SVOP: variants seen among roughly 807,000 people sequenced by gnomAD.
SVOP encodes the protein SV2 related protein, also known as synaptic vesicle 2-related protein.
Under a neutral mutation model 69.1 loss-of-function variants are expected in SVOP, and 17 were observed. The ratio of observed to expected loss-of-function variants is 0.25; its 90% CI spans 0.17 to 0.37. The LOEUF (loss-of-function observed/expected upper bound fraction) is 0.37. SVOP is among the 10% of genes least tolerant of loss of function. SVOP has a pLI of 1.00. For missense variants in SVOP, 435 were observed against 597.5 expected (o/e 0.73, Z 2.84); for synonymous variants, 238 against 238.6 (o/e 1.00, Z 0.02).
At chr12:108,981,329 T>A (rs983568460) in intron 2 of SVOP, among the ~76,000 whole-genome samples, 17 of 152,192 alleles carry the variant, frequency 1.1e-4, no homozygotes, top group African/African-American at 4.1e-4. Flanking sequence ...AGAGCCCAGA[T>A]CAGCCTGAGA....
intron 6 of SVOP, among the ~76,000 whole-genome samples, chr12:108,957,935 A>G (rs2039994541): frequency 6.6e-6 from 1 of 152,272 alleles, no homozygotes; most frequent in African/African-American, 2.4e-5. Flanking sequence ...CTTTTGCAGA[A>G]AAGAGATTAT....
intron 1 of SVOP, among the ~76,000 whole-genome samples, chr12:108,985,176 G>A (rs910347075): frequency 0.16 from 23,632 of 150,896 alleles, 2,078 homozygotes; most frequent in African/African-American, 0.18. Context: ...GCAGTGAGCC[G>A]TGATCATACC....
intron 2 of SVOP, among the ~76,000 whole-genome samples, chr12:108,980,707 G>C: frequency 8.8e-6 from 1 of 113,584 alleles, no homozygotes; most frequent in East Asian, 2.3e-4. Context: ...CCGAGATTGC[G>C]CCACTGCAGT....
chr12:109,008,078 G>A (rs193068885), intron 1 of SVOP, among the ~76,000 whole-genome samples: 1 of 151,164 alleles, frequency 6.6e-6, no homozygotes, highest in Non-Finnish European at 1.5e-5. Flanking sequence ...CTAAGCTGAG[G>A]CTGGAGAGGT....
intron 1 of SVOP, among the ~76,000 whole-genome samples, chr12:109,020,617 ACAGAT>A (rs1555254119): frequency 6.6e-6 from 1 of 151,892 alleles, no homozygotes; most frequent in Non-Finnish European, 1.5e-5. Context: ...TAAGGTCCTG[ACAGAT>A]CTGATAAATG....
At chr12:109,011,311 G>T (rs1447652952) in intron 1 of SVOP, among the ~76,000 whole-genome samples, 1 of 152,172 alleles carries the variant, frequency 6.6e-6, no homozygotes, top group East Asian at 1.9e-4. Flanking sequence ...AAACATTTTT[G>T]AAATGAAGGG....
chr12:108,922,604 AG>A, intron 12 of SVOP, 85 bp downstream of exon 12: 1 of 963,714 alleles, frequency 1.0e-6, no homozygotes, highest in Non-Finnish European at 1.6e-6. Context: ...ATTTGCTTCC[AG>A]GTAGGGTAGA....
chr12:108,945,797 C>T (rs1414209080), intron 6 of SVOP, among the ~76,000 whole-genome samples: 2 of 152,148 alleles, frequency 1.3e-5, no homozygotes, highest in African/African-American at 4.8e-5. Context: ...GGCAGGAACA[C>T]CTCAACCTGA....
At chr12:108,943,841 TC>T (rs200510605) in intron 7 of SVOP, among the ~76,000 whole-genome samples, 3,730 of 148,798 alleles carry the variant, frequency 0.025, 161 homozygotes, top group African/African-American at 0.085. Flanking sequence ...CTCCTCCTCC[TC>T]CTTCTTCTCC....
chr12:108,949,275 CT>C (rs36173334), intron 6 of SVOP, among the ~76,000 whole-genome samples: 5 of 150,404 alleles, frequency 3.3e-5, no homozygotes, highest in South Asian at 2.1e-4. Context: ...AATCTTTCAG[CT>C]TTTTTTTTGC....
At position 108,918,193 on chromosome 12, in the gene SVOP, C is replaced by T. The variant is rs1053284533; in HGVS notation, c.1269-69G>A. ...GCTTGTTTCAGCATAGTCCTATCTT[C>T]CCAGGCAGTATCAATGCCCTAGCAA... On this transcript the variant is annotated intron_variant, in intron 13 of 15. Coordinates refer to ENST00000610966, the MANE Select transcript of SVOP (RefSeq NM_018711.5). The T allele has an allele frequency of 7.5e-6, 10 of 1,325,406 alleles. No individual in the cohort carries two copies. The African/African-American group carries it at 1.3e-4, about 18-fold the overall frequency. 82.1% of individuals were successfully genotyped at this position (1,325,406 alleles called of 1,614,324 possible).
intron 1 of SVOP, among the ~76,000 whole-genome samples, chr12:108,997,450 G>C (rs1463515356): frequency 1.3e-5 from 2 of 151,986 alleles, no homozygotes; most frequent in Admixed American, 1.3e-4. Flanking sequence ...GAACTGGGTG[G>C]AGCCCACCAC....
intron 4 of SVOP, among the ~76,000 whole-genome samples, chr12:108,975,439 A>G (rs1170842048): frequency 5.3e-5 from 8 of 152,208 alleles, no homozygotes; most frequent in South Asian, 2.1e-4. Flanking sequence ...TGAGCCTGCC[A>G]GGCCTGGCTT....
At chr12:108,948,023 C>T (rs2039934629) in intron 6 of SVOP, among the ~76,000 whole-genome samples, 1 of 152,146 alleles carries the variant, frequency 6.6e-6, no homozygotes, top group African/African-American at 2.4e-5. Flanking sequence ...ACTGAAGCTG[C>T]ATCACCCCAG....
rs983198639 is a variant in SVOP, at chr12:108,985,540, C to G, written c.36-1779G>C. Among the ~76,000 whole-genome samples, 250 of 148,202 alleles carry G rather than the reference C, an allele frequency of 1.7e-3. 1 individual carries two copies. The highest frequency in any genetic ancestry group is 5.7e-3 in the African/African-American group (228 of 40,312). Reference sequence around the variant, plus strand: ...TACAAAAATTAGCCAGGCATGGTGGCATGTGCCTGTGGTCCCAGCTACTTG... The same window carrying G: ...TACAAAAATTAGCCAGGCATGGTGGGATGTGCCTGTGGTCCCAGCTACTTG... On this transcript the variant is annotated intron_variant, in intron 1 of 15. Coordinates refer to ENST00000610966, the MANE Select transcript of SVOP (RefSeq NM_018711.5).
Position 108,942,496 on chromosome 12 carries a change from G to A in SVOP, c.643-1587C>T, listed in dbSNP as rs36164480. Among the ~76,000 whole-genome samples, 584 of 152,270 alleles carry A rather than the reference G, an allele frequency of 3.8e-3. 2 individuals carry two copies. Among genetic ancestry groups the A allele is most frequent in the Non-Finnish European group, 6.2e-3 (419 of 68,028 alleles). ...CCATCAACAGGCTCCCTGTCCTAGC[G>A]CTTCCCACTGGGTGCAGCCAATGTG... On this transcript the variant is annotated intron_variant, in intron 7 of 15. Coordinates refer to ENST00000610966, the MANE Select transcript of SVOP (RefSeq NM_018711.5).
intron 1 of SVOP, among the ~76,000 whole-genome samples, chr12:109,018,995 G>A (rs191607349): frequency 9.6e-4 from 146 of 152,208 alleles, no homozygotes; most frequent in African/African-American, 3.0e-3. Flanking sequence ...CCAGGAAGTG[G>A]CATAGTAAGG....
chr12:108,912,908 C>T (rs541289563), intron 15 of SVOP, among the ~76,000 whole-genome samples, 167 bp from the exon 16 acceptor site: 12 of 152,150 alleles, frequency 7.9e-5, no homozygotes, highest in South Asian at 4.1e-4. Flanking sequence ...CCTTGTGACA[C>T]GCCTGCCCCT....
chr12:108,944,998 GT>G, intron 7 of SVOP, 104 bp downstream of exon 7: 1 of 1,067,890 alleles, frequency 9.4e-7, no homozygotes, highest in Non-Finnish European at 1.4e-6. Flanking sequence ...AGTCTGTAAT[GT>G]TTTTTTCTTA....
Sources: allele counts gnomAD v4.1 joint callset (sites outside exome capture counted in the v4.1 genomes callset), GRCh38; gene constraint gnomAD v4.1.1; transcripts MANE v1.5; gene names NCBI Gene and HGNC (gene_info 2026-07-23, HGNC 2026-07-21).